Variants in CDH26 observed in about 807,000 individuals in gnomAD.
CDH26 encodes the protein cadherin-like protein 26.
In CDH26, 83 loss-of-function variants were observed where a neutral mutation model predicts 90.3. The ratio of observed to expected loss-of-function variants is 0.92; its 90% confidence interval spans 0.77 to 1.10. The LOEUF (loss-of-function observed/expected upper bound fraction) is 1.10, where lower values mean the gene tolerates loss of function less well. Among genes scored for constraint, CDH26 ranks in the 50% least tolerant of loss-of-function variants. The probability of loss-of-function intolerance (pLI) is 0.00; values close to 1 mark genes in which losing one functional copy is unlikely to be tolerated. For missense variants in CDH26, 1,013 were observed against 1,037.6 expected (o/e 0.98, Z 0.33); for synonymous variants, 397 against 396.3 (o/e 1.00, Z -0.02).
At chr20:59,964,829 G>A (rs1334981018) in intron 1 of CDH26, among the ~76,000 whole-genome samples, 1 of 152,162 alleles carries the variant, frequency 6.6e-6, no homozygotes, top group Admixed American at 6.5e-5. Flanking sequence ...TGTTGAAAGA[G>A]CCCTTAAAGA....
chr20:59,976,822 G>T (rs1262667326), intron 4 of CDH26, among the ~76,000 whole-genome samples: 2 of 152,070 alleles, frequency 1.3e-5, no homozygotes, highest in Non-Finnish European at 2.9e-5. Flanking sequence ...CCACAAGTCT[G>T]CAGGGAAAGG....
intron 7 of CDH26, among the ~76,000 whole-genome samples, chr20:60,025,635 G>A (rs1271972159): frequency 1.3e-5 from 2 of 152,188 alleles, no homozygotes; most frequent in East Asian, 1.9e-4. Flanking sequence ...GAGGCACAAG[G>A]CCATTCATTC....
intron 11 of CDH26, 95 bp from the exon 12 acceptor site, chr20:59,995,738 A>T: frequency 8.9e-7 from 1 of 1,128,390 alleles, no homozygotes; most frequent in Non-Finnish European, 1.3e-6. Flanking sequence ...ACTTTCATAC[A>T]GAGCTTGGCC....
At chr20:59,958,899 T>A in intron 1 of CDH26, 104 bp downstream of exon 1, 3 of 1,178,094 alleles carry the variant, frequency 2.5e-6, no homozygotes, top group Non-Finnish European at 3.6e-6. Flanking sequence ...GGACTGAGTG[T>A]GACCTGCTGG....
chr20:59,983,792 A>G (rs1346411532), intron 5 of CDH26, among the ~76,000 whole-genome samples: 2 of 152,176 alleles, frequency 1.3e-5, no homozygotes, highest in African/African-American at 2.4e-5. Flanking sequence ...GTAAATATTT[A>G]CACATATTTG....
chr20:59,990,568 T>G (rs2061515747), intron 9 of CDH26, among the ~76,000 whole-genome samples: 1 of 152,182 alleles, frequency 6.6e-6, no homozygotes, highest in African/African-American at 2.4e-5. Flanking sequence ...TACAATTCAT[T>G]ATGGAGTGAT....
At chr20:59,985,417 C>T (rs1010550088) in intron 7 of CDH26, among the ~76,000 whole-genome samples, 5 of 152,008 alleles carry the variant, frequency 3.3e-5, no homozygotes, top group Admixed American at 3.3e-4. Context: ...ACAACAAGAG[C>T]ATGCAAGACA....
downstream of CDH26, among the ~76,000 whole-genome samples, chr20:60,034,262 C>T (rs973126232): frequency 1.3e-5 from 2 of 152,134 alleles, no homozygotes; most frequent in Admixed American, 6.5e-5. Context: ...CCACATTGTT[C>T]GAAGGGAAGG....
At chr20:59,993,930 A>G (rs1569045237) in intron 10 of CDH26, among the ~76,000 whole-genome samples, 1 of 151,802 alleles carries the variant, frequency 6.6e-6, no homozygotes, top group South Asian at 2.1e-4. Flanking sequence ...TTCTTTAGTC[A>G]CACCCATTTT....
chr20:59,963,532 G>T (rs912000308), intron 1 of CDH26, among the ~76,000 whole-genome samples: 3 of 152,086 alleles, frequency 2.0e-5, no homozygotes, highest in African/African-American at 7.2e-5. Flanking sequence ...TATACTATCT[G>T]CATTGGCCTC....
intron 17 of CDH26, among the ~76,000 whole-genome samples, chr20:60,007,067 C>T (rs195007): frequency 0.034 from 5,142 of 152,262 alleles, 304 homozygotes; most frequent in African/African-American, 0.12. Context: ...CGTGTCCTCA[C>T]ATGGGATGGA....
rs756558492 is a variant in CDH26, at chr20:59,994,451, G to A, written c.1628G>A (p.Gly543Glu). ...ACATTTGAATTGGACAATACCTGGG[G>A]AAATGCGGAGGACACATGGAAGTTG... ...PFTFELDNTW[G>E]NAEDTWKLGR... Residue 543 changes from glycine to glutamate, a missense_variant, in exon 11 of 18, where the codon GGA becomes GAA. Gly to Glu is a moderately conservative substitution (Grantham distance 98). Transcript: ENST00000348616. The A allele has an allele frequency of 1.9e-6, 3 of 1,614,074 alleles. No homozygotes were observed. Among genetic ancestry groups the A allele is most frequent in the Admixed American group, 3.3e-5 (2 of 60,012 alleles).
In CDH26 at chr20:60,030,632, C is replaced by T. The variant is rs1318936244; in HGVS notation, c.948-599C>T. On this transcript the variant is annotated intron_variant, in intron 7 of 8. Transcript: ENST00000370991. The surrounding 1 kb of genome is among the most constrained non-coding windows in gnomAD (Gnocchi z 4.0). The stretch of plus-strand genomic sequence containing the variant: ...AGTGAGAGTGGGGCCCAGGGTCTTT[C>T]CAACTCTTTGGATGGACTTTGAAGC... Among the ~76,000 whole-genome samples the T allele has an allele frequency of 6.6e-6, 1 of 152,142 alleles. No individual in the cohort carries two copies. The highest frequency in any genetic ancestry group is 2.4e-5 in the African/African-American group (1 of 41,422).
At chr20:59,971,893 G>C in intron 3 of CDH26, 69 bp from the exon 4 acceptor site, 1 of 1,307,520 alleles carries the variant, frequency 7.6e-7, no homozygotes, top group Non-Finnish European at 1.1e-6. Context: ...TCTTAGCCTT[G>C]ATACTTGATT....
At chr20:60,003,842 G>A (rs992371911) in intron 16 of CDH26, among the ~76,000 whole-genome samples, 3 of 152,170 alleles carry the variant, frequency 2.0e-5, no homozygotes, top group African/African-American at 7.2e-5. Context: ...GAGAGATAGT[G>A]CTCTCTCAGC....
At chr20:60,001,059 A>C (rs568658426) in intron 14 of CDH26, among the ~76,000 whole-genome samples, 1 of 152,124 alleles carries the variant, frequency 6.6e-6, no homozygotes, top group Admixed American at 6.6e-5. Flanking sequence ...CTGCGTGTCT[A>C]TGCAGTTTTC....
intron 4 of CDH26, 66 bp from the exon 5 acceptor site, chr20:59,982,857 G>A: frequency 6.4e-7 from 1 of 1,554,008 alleles, no homozygotes; most frequent in Non-Finnish European, 8.8e-7. Flanking sequence ...TAGGATAACA[G>A]TTATTTTATT....
In CDH26 at chr20:59,988,338, C is replaced by T. The variant is rs977562776; in HGVS notation, c.1024-566C>T. Among the ~76,000 whole-genome samples, 10 of 152,192 alleles carry T rather than the reference C, an allele frequency of 6.6e-5. No homozygotes were observed. In the South Asian group the frequency reaches 1.9e-3, roughly 28 times the overall value. The stretch of plus-strand genomic sequence containing the variant: ...AGTGCAGGGCAGGTGAGTCACCTGG[C>T]GACAAGGCAGACCTGAGTCAGCAGG... On this transcript the variant is annotated intron_variant, in intron 8 of 17. Transcript: ENST00000348616.
In CDH26 at chr20:59,989,098, G is replaced by A. The variant is rs1216492090; in HGVS notation, c.1218G>A (p.Glu406=). The part of the protein sequence containing the change: ...FHPQSFIVNK[E]EGARPGTLLG... Reference sequence around the variant, plus strand: ...CCCAGAGCTTCATTGTCAATAAAGAGGAGGGCGCCAGGCCTGGGACCCTGT... The same window carrying A: ...CCCAGAGCTTCATTGTCAATAAAGAAGAGGGCGCCAGGCCTGGGACCCTGT... The change falls in exon 9 of 18, where the codon GAG becomes GAA. Residue 406 remains glutamate (E), a synonymous_variant. Coordinates refer to ENST00000348616, the MANE Select transcript of CDH26 (RefSeq NM_177980.4). 6.2e-7 allele frequency: 1 copy of A among 1,614,086 alleles called. No homozygotes were observed. The highest frequency in any genetic ancestry group is 1.3e-5 in the African/African-American group (1 of 74,932).
Sources: gnomAD v4.1 joint callset for allele counts (sites outside exome capture counted in the v4.1 genomes callset) on GRCh38, gnomAD v4.1.1 for gene constraint, Gnocchi (gnomAD v3.1) non-coding constraint, MANE v1.5 for transcripts, NCBI Gene and HGNC (gene_info 2026-07-23, HGNC 2026-07-21) for gene names.